The following LRCH3 variants were observed in gnomAD, a reference collection of about 807,000 sequenced individuals.
The protein encoded by LRCH3 is leucine rich repeats and calponin homology domain containing 3, also known as DISP complex protein LRCH3.
Under a neutral mutation model 104.5 loss-of-function variants are expected in LRCH3, and 68 were observed. That is an observed-to-expected ratio of 0.65 (90% CI 0.54 to 0.80). The LOEUF is 0.80. Among genes scored for constraint, LRCH3 ranks in the 30% least tolerant of loss-of-function variants. LRCH3 has a pLI of 0.00. For missense variants in LRCH3, 951 were observed against 953.9 expected, an observed-to-expected ratio of 1.00 and a Z score of 0.04; for synonymous variants, 344 against 361.3, an observed-to-expected ratio of 0.95 and a Z score of 0.54.
intron 10 of LRCH3, among the ~76,000 whole-genome samples, chr3:197,840,922 T>A (rs1376098577): frequency 6.6e-6 from 1 of 152,142 alleles, no homozygotes; most frequent in Non-Finnish European, 1.5e-5. Flanking sequence ...GGGCCTGCAT[T>A]TTATATCTCC....
chr3:197,830,974 A>T, intron 7 of LRCH3, 111 bp downstream of exon 7: 1 of 955,212 alleles, frequency 1.0e-6, no homozygotes, highest in South Asian at 1.5e-5. Flanking sequence ...TAAAATACAG[A>T]AAAGTCAAGG....
intron 15 of LRCH3, among the ~76,000 whole-genome samples, chr3:197,863,617 C>A (rs1741133874): frequency 6.6e-6 from 1 of 152,164 alleles, no homozygotes; most frequent in Non-Finnish European, 1.5e-5. Context: ...TTAACCTAGT[C>A]AACCTACATT....
At chr3:197,855,460 G>C (rs1560583992) in intron 14 of LRCH3, among the ~76,000 whole-genome samples, 1 of 152,150 alleles carries the variant, frequency 6.6e-6, no homozygotes, top group Non-Finnish European at 1.5e-5. Context: ...GCAACCTTAA[G>C]AGTGAAGGTT....
intron 3 of LRCH3, among the ~76,000 whole-genome samples, chr3:197,819,334 CTTT>C (rs11318373): frequency 6.8e-6 from 1 of 147,042 alleles, no homozygotes. Context: ...ATGCTTTCAA[CTTT>C]TTTTTTTTTT....
rs943878164 is a variant in LRCH3, at chr3:197,854,378, C to T, written c.1591-14C>T. On this transcript the variant is annotated splice_polypyrimidine_tract_variant and intron_variant, in intron 13 of 20. Coordinates refer to ENST00000425562, the MANE Select transcript of LRCH3 (RefSeq NM_001365715.1). This position sits in a 1 kb window ranked among gnomAD's most constrained non-coding sequence, Gnocchi z 4.5. ...TTGTTTCTGACATGGCTTCATTTTTCTCCATCTCTCCAGTGCCCCTTCCCA... is the reference window on the plus strand; with the variant it reads ...TTGTTTCTGACATGGCTTCATTTTTTTCCATCTCTCCAGTGCCCCTTCCCA... 6.2e-6 allele frequency: 10 copies of T among 1,613,136 alleles called. No individual in the cohort carries two copies. The highest frequency in any genetic ancestry group is 7.6e-6 in the Non-Finnish European group (9 of 1,179,198).
intron 14 of LRCH3, 140 bp from the exon 15 acceptor site, chr3:197,858,694 C>A: frequency 1.4e-6 from 1 of 725,764 alleles, no homozygotes; most frequent in South Asian, 1.6e-5. Context: ...CTCTTCCTGC[C>A]CTGTCAGTAG....
intron 11 of LRCH3, 65 bp from the exon 12 acceptor site, chr3:197,847,807 T>G: frequency 6.5e-7 from 1 of 1,545,612 alleles, no homozygotes; most frequent in Non-Finnish European, 8.8e-7. Flanking sequence ...CCTAAATTGA[T>G]AGGGAATATT....
In LRCH3 at chr3:197,847,971, A is replaced by C. The variant is rs1739001019; in HGVS notation, c.1480A>C (p.Lys494Gln). Reference sequence around the variant, plus strand: ...TGCTGCCCTGCAGTATGAGGAGGAGAAAATAAGGACCAAGCAGATCCAGAG... The same window carrying C: ...TGCTGCCCTGCAGTATGAGGAGGAGCAAATAAGGACCAAGCAGATCCAGAG... ...QLAALQYEEE[K>Q]IRTKQIQRDA... The change falls in exon 12 of 21, where the codon AAA becomes CAA. Residue 494 changes from lysine to glutamine, a missense_variant. Lys to Gln is a moderately conservative substitution (Grantham distance 53, BLOSUM62 1). Transcript: ENST00000425562. The C allele has an allele frequency of 6.2e-7, 1 of 1,614,086 alleles. No individual in the cohort carries two copies.
chr3:197,879,415 G>C (rs1179136096), intron 20 of LRCH3, among the ~76,000 whole-genome samples: 1 of 152,052 alleles, frequency 6.6e-6, no homozygotes, highest in Non-Finnish European at 1.5e-5. Flanking sequence ...GGGAGGCCGA[G>C]GTGGGCGGAT....
At chr3:197,882,347 A>G in intron 20 of LRCH3, 1 of 985,394 alleles carries the variant, frequency 1.0e-6, no homozygotes, top group East Asian at 1.1e-4. Flanking sequence ...GTATTTCTAC[A>G]AAGTTGCTAG....
intron 10 of LRCH3, among the ~76,000 whole-genome samples, chr3:197,839,812 A>G (rs930101176): frequency 5.9e-5 from 9 of 151,766 alleles, no homozygotes; most frequent in Non-Finnish European, 8.8e-5. Context: ...CCCCTCTACA[A>G]AAAGAAAAAA....
Position 197,835,727 on chromosome 3 carries a change from G to A in LRCH3, c.1156G>A (p.Glu386Lys). The A allele has an allele frequency of 6.2e-7, 1 of 1,614,036 alleles. No homozygotes were observed. The highest frequency in any genetic ancestry group is 8.5e-7 in the Non-Finnish European group (1 of 1,180,012). Residue 386 changes from glutamate (E) to lysine (K), a missense_variant, in exon 9 of 21, where the codon GAG becomes AAG. Coordinates refer to ENST00000425562, the MANE Select transcript of LRCH3 (RefSeq NM_001365715.1). ...DYIDSCTAEE[E>K]EAEVRQPKGP... ...CATAGACAGCTGCACCGCAGAGGAA[G>A]AGGAGGCCGAGGTGAGACAGCCCAA... is the stretch of plus-strand genomic sequence containing the variant.
chr3:197,839,298 T>C, intron 9 of LRCH3, 23 bp from the exon 10 acceptor site: 6 of 1,522,978 alleles, frequency 3.9e-6, no homozygotes, highest in Non-Finnish European at 5.4e-6. Context: ...ACTAAATTTA[T>C]TTATTTCTGT....
Position 197,855,118 on chromosome 3 carries a change from GTAC to G in LRCH3, c.1644+674_1644+676del, listed in dbSNP as rs542007683. Among the ~76,000 whole-genome samples the G allele has an allele frequency of 4.9e-4, 75 of 152,292 alleles. No individual in the cohort carries two copies. The South Asian group carries it at 0.015, about 31-fold the overall frequency. On this transcript the variant is annotated intron_variant, in intron 14 of 20. Transcript: ENST00000425562. ...GTTTTATGTGATTGTTTTCATAGTA[GTAC>G]GTTCAGAGGTCTAGTGCCTACAGTG... is the stretch of plus-strand genomic sequence containing the variant.
intron 17 of LRCH3, among the ~76,000 whole-genome samples, chr3:197,866,816 C>G (rs1741537234): frequency 6.6e-6 from 1 of 150,468 alleles, no homozygotes; most frequent in Non-Finnish European, 1.5e-5. Flanking sequence ...GAGCAAGACT[C>G]TGTCTCTTAA....
At chr3:197,871,726 AG>A (rs1457050990) in intron 19 of LRCH3, 7 of 340,720 alleles carry the variant, frequency 2.1e-5, no homozygotes, top group Non-Finnish European at 3.6e-5. Flanking sequence ...TGGAGAGTTC[AG>A]GGAAGCCTTC....
chr3:197,880,209 T>C (rs1580924984), intron 20 of LRCH3, among the ~76,000 whole-genome samples: 1 of 152,016 alleles, frequency 6.6e-6, no homozygotes, highest in South Asian at 2.1e-4. Flanking sequence ...CCTCCCAAAG[T>C]GCTGGGATTA....
intron 5 of LRCH3, among the ~76,000 whole-genome samples, chr3:197,827,766 T>C (rs924635801): frequency 6.6e-6 from 1 of 152,092 alleles, no homozygotes; most frequent in Admixed American, 6.5e-5. Flanking sequence ...CTAGTAAAAT[T>C]TGAGTGTAGA....
intron 1 of LRCH3, among the ~76,000 whole-genome samples, chr3:197,793,499 A>G (rs749673615): frequency 6.6e-6 from 1 of 152,224 alleles, no homozygotes; most frequent in Admixed American, 6.5e-5. Context: ...CATTGTTACT[A>G]CATCAAGCCT....
Sources: gnomAD v4.1 joint callset for allele counts (sites outside exome capture counted in the v4.1 genomes callset) on GRCh38, gnomAD v4.1.1 for gene constraint, Gnocchi (gnomAD v3.1) non-coding constraint, MANE v1.5 for transcripts, NCBI Gene and HGNC (gene_info 2026-07-23, HGNC 2026-07-21) for gene names.